The following PPM1H variants were observed in gnomAD, a reference collection of about 807,000 sequenced individuals.
PPM1H encodes protein phosphatase, Mg2+/Mn2+ dependent 1H.
PPM1H carries 27 observed loss-of-function variants against 54.9 expected under a neutral mutation model. That is an observed-to-expected ratio of 0.49 (90% confidence interval 0.36 to 0.68). The LOEUF (loss-of-function observed/expected upper bound fraction) is 0.68, where lower values mean the gene tolerates loss of function less well. PPM1H is among the 30% of genes least tolerant of loss of function. The pLI is 0.00. For synonymous variants in PPM1H, 305 were observed against 270.8 expected, an observed-to-expected ratio of 1.13 and a Z score of -1.24; for missense variants, 596 against 667.8, an observed-to-expected ratio of 0.89 and a Z score of 1.19.
At chr12:62,709,726 A>T (rs1281326880) in intron 6 of PPM1H, among the ~76,000 whole-genome samples, 1 of 152,102 alleles carries the variant, frequency 6.6e-6, no homozygotes, top group East Asian at 1.9e-4. Context: ...TACTTCCCCC[A>T]CTGTGGAAGT....
chr12:62,869,636 A>G (rs574285396), intron 1 of PPM1H, among the ~76,000 whole-genome samples: 1 of 152,312 alleles, frequency 6.6e-6, no homozygotes, highest in Non-Finnish European at 1.5e-5. Flanking sequence ...AAACAGGAGC[A>G]TGACAACATC....
At chr12:62,664,961 C>T (rs187148988) in intron 9 of PPM1H, among the ~76,000 whole-genome samples, 2 of 149,926 alleles carry the variant, frequency 1.3e-5, no homozygotes, top group Non-Finnish European at 3.0e-5. Context: ...TGAAAGTTGG[C>T]TGTCAGTCTG....
At chr12:62,905,555 T>C (rs1231582913) in intron 1 of PPM1H, among the ~76,000 whole-genome samples, 2 of 152,352 alleles carry the variant, frequency 1.3e-5, no homozygotes, top group African/African-American at 4.8e-5. Context: ...CATTCCACTT[T>C]ATTTTAATAA....
At chr12:62,900,364 A>G (rs1165526011) in intron 1 of PPM1H, among the ~76,000 whole-genome samples, 1 of 149,996 alleles carries the variant, frequency 6.7e-6, no homozygotes, top group African/African-American at 2.5e-5. Flanking sequence ...AGGAAGGGGG[A>G]CCTCACACAC....
chr12:62,733,995 A>G (rs2120513017), intron 5 of PPM1H, among the ~76,000 whole-genome samples: 1 of 152,304 alleles, frequency 6.6e-6, no homozygotes, highest in East Asian at 1.9e-4. Context: ...TGTTGAAGCC[A>G]AATCCCCAGT....
chr12:62,658,783 G>C, intron 9 of PPM1H: 1 of 403,554 alleles, frequency 2.5e-6, no homozygotes, highest in East Asian at 5.8e-5. Context: ...TGATAGAAAA[G>C]AAAGAAAGAA....
chr12:62,734,182 A>C (rs555803712), intron 5 of PPM1H, among the ~76,000 whole-genome samples: 2 of 151,766 alleles, frequency 1.3e-5, no homozygotes, highest in African/African-American at 4.8e-5. Context: ...GCTGCCTACA[A>C]ATCAGGAAGT....
chr12:62,803,855 G>T (rs1464211761), intron 2 of PPM1H, among the ~76,000 whole-genome samples: 2 of 152,060 alleles, frequency 1.3e-5, no homozygotes, highest in Non-Finnish European at 2.9e-5. Flanking sequence ...CAATTCTATT[G>T]CAAACAAAAC....
At chr12:62,713,626 G>T (rs991962175) in intron 6 of PPM1H, among the ~76,000 whole-genome samples, 2 of 152,130 alleles carry the variant, frequency 1.3e-5, no homozygotes, top group African/African-American at 2.4e-5. Context: ...GGCCGGTGTG[G>T]CTACACCATT....
At chr12:62,740,516 A>AAGGTT (rs1458850942) in intron 4 of PPM1H, among the ~76,000 whole-genome samples, 9 of 152,134 alleles carry the variant, frequency 5.9e-5, no homozygotes, top group African/African-American at 2.2e-4. Flanking sequence ...CTCAGCCACC[A>AAGGTT]AGGTTAGGTT....
chr12:62,703,196 A>C (rs1397265988), intron 6 of PPM1H, among the ~76,000 whole-genome samples: 1 of 152,116 alleles, frequency 6.6e-6, no homozygotes, highest in Non-Finnish European at 1.5e-5. Flanking sequence ...CTGAGCAATC[A>C]AGCCACCTAA....
At chr12:62,899,997 T>C (rs1871108460) in intron 1 of PPM1H, among the ~76,000 whole-genome samples, 1 of 152,182 alleles carries the variant, frequency 6.6e-6, no homozygotes. Flanking sequence ...CAATAGGAAG[T>C]CTGCAGTTTA....
At chr12:62,861,256 C>CA (rs1179278460) in intron 1 of PPM1H, among the ~76,000 whole-genome samples, 3 of 152,204 alleles carry the variant, frequency 2.0e-5, no homozygotes, top group South Asian at 4.1e-4. Flanking sequence ...GAGGATTAGA[C>CA]AGAGATTCTG....
At chr12:62,922,890 C>T (rs1871845077) in intron 1 of PPM1H, among the ~76,000 whole-genome samples, 1 of 152,166 alleles carries the variant, frequency 6.6e-6, no homozygotes, top group Non-Finnish European at 1.5e-5. Flanking sequence ...TCCTGCCTGG[C>T]CACCAGCTGA....
chr12:62,734,411 T>C (rs1731496530), intron 5 of PPM1H, among the ~76,000 whole-genome samples: 2 of 152,228 alleles, frequency 1.3e-5, no homozygotes, highest in Admixed American at 6.5e-5. Flanking sequence ...CAGTACGGCA[T>C]GTATTAGTCC....
Position 62,797,142 on chromosome 12 carries a change from G to C in PPM1H, c.756+4674C>G, listed in dbSNP as rs77212646. 4.6e-5 allele frequency among the ~76,000 whole-genome samples: 7 copies of C among 152,198 alleles called. No homozygotes were observed. The East Asian group carries it at 9.7e-4, about 21-fold the overall frequency. On this transcript the variant is annotated intron_variant, in intron 3 of 9. Transcript: ENST00000228705. ...ACAAGCAGGTAGACAGAAACAAAGA[G>C]AGTCCAAAGAATTCTGATTCCACAT...
At chr12:62,776,725 C>A (rs1300830756) in intron 4 of PPM1H, among the ~76,000 whole-genome samples, 2 of 152,210 alleles carry the variant, frequency 1.3e-5, no homozygotes, top group Non-Finnish European at 2.9e-5. Context: ...CTCCCACAAC[C>A]CTGGCTCACT....
chr12:62,823,216 G>A (rs746585005), intron 2 of PPM1H, among the ~76,000 whole-genome samples: 5 of 152,100 alleles, frequency 3.3e-5, no homozygotes. Context: ...TCTCTGAATA[G>A]ACCAATAACA....
At chr12:62,702,207 T>C (rs965648858) in intron 6 of PPM1H, among the ~76,000 whole-genome samples, 4 of 152,212 alleles carry the variant, frequency 2.6e-5, no homozygotes, top group South Asian at 2.1e-4. Context: ...TATTAGTATA[T>C]ATACAAATAG....
Sources: gnomAD v4.1 joint callset for allele counts (sites outside exome capture counted in the v4.1 genomes callset) on GRCh38, gnomAD v4.1.1 for gene constraint, MANE v1.5 for transcripts, NCBI Gene and HGNC (gene_info 2026-07-23, HGNC 2026-07-21) for gene names.